Variants in HYCC1 observed in about 807,000 individuals in gnomAD.
HYCC1 encodes the protein hyccin PI4KA lipid kinase complex subunit 1.
the HYCC1 span, among the ~76,000 whole-genome samples, chr7:23,012,269 C>T: frequency 2.0e-5 from 3 of 152,004 alleles, no homozygotes; most frequent in Non-Finnish European, 4.4e-5. Context: ...TTAAACTCAC[C>T]GTCAAAGACA....
At chr7:22,927,642 T>C in the HYCC1 span, among the ~76,000 whole-genome samples, 39 of 152,190 alleles carry the variant, frequency 2.6e-4, no homozygotes, top group Non-Finnish European at 4.4e-4. Context: ...CAGGAAGAAG[T>C]TGAATTTCTG....
the HYCC1 span, among the ~76,000 whole-genome samples, chr7:22,919,638 A>C: frequency 1.3e-5 from 2 of 152,180 alleles, no homozygotes; most frequent in Non-Finnish European, 2.9e-5. Flanking sequence ...AAATACTGGA[A>C]TTGAAAAGTA....
the HYCC1 span, among the ~76,000 whole-genome samples, chr7:22,956,046 T>C: frequency 6.6e-6 from 1 of 151,774 alleles, no homozygotes; most frequent in Non-Finnish European, 1.5e-5. Context: ...GGAATTTTCA[T>C]TTTGACTTTT....
chr7:22,920,251 G>A, the HYCC1 span, among the ~76,000 whole-genome samples: 1 of 152,222 alleles, frequency 6.6e-6, no homozygotes, highest in Non-Finnish European at 1.5e-5. Flanking sequence ...AGAGGCTGAG[G>A]TGGAAGGATC....
At chr7:22,990,214 G>C in the HYCC1 span, among the ~76,000 whole-genome samples, 3 of 152,288 alleles carry the variant, frequency 2.0e-5, no homozygotes, top group Non-Finnish European at 4.4e-5. Flanking sequence ...GCTTTGTTTT[G>C]AGTCTACCAG....
chr7:22,907,046 A>G, the HYCC1 span, among the ~76,000 whole-genome samples: 1 of 139,988 alleles, frequency 7.1e-6, no homozygotes, highest in Non-Finnish European at 1.5e-5. Context: ...CAGAGGTTGC[A>G]GTAAGCCGAG....
the HYCC1 span, chr7:22,964,475 C>A: frequency 6.2e-7 from 1 of 1,611,322 alleles, no homozygotes; most frequent in Non-Finnish European, 8.5e-7. Flanking sequence ...TGGTATCCTG[C>A]TACTTATACC....
chr7:22,910,548 C>G, the HYCC1 span, among the ~76,000 whole-genome samples: 1 of 152,210 alleles, frequency 6.6e-6, no homozygotes, highest in African/African-American at 2.4e-5. Flanking sequence ...TATTATCTTT[C>G]TTAGCATAAA....
the HYCC1 span, chr7:22,941,300 C>T: frequency 7.8e-6 from 1 of 127,480 alleles, no homozygotes; most frequent in African/African-American, 2.9e-5. Context: ...AGAGGCAACA[C>T]TTGTTGTATA....
chr7:22,902,928 C>A, the HYCC1 span, among the ~76,000 whole-genome samples: 1 of 151,890 alleles, frequency 6.6e-6, no homozygotes, highest in African/African-American at 2.4e-5. Context: ...CTGCAGCAGC[C>A]AAGGAAGGTA....
the HYCC1 span, among the ~76,000 whole-genome samples, chr7:22,931,988 C>T: frequency 6.6e-6 from 1 of 152,128 alleles, no homozygotes; most frequent in Non-Finnish European, 1.5e-5. Context: ...AAGGAACCAG[C>T]ATTTGCTGCC....
the HYCC1 span, among the ~76,000 whole-genome samples, chr7:22,915,697 T>C: frequency 6.6e-6 from 1 of 152,198 alleles, no homozygotes; most frequent in Non-Finnish European, 1.5e-5. Context: ...GGCTACCTAC[T>C]CTGCATTACA....
the HYCC1 span, among the ~76,000 whole-genome samples, chr7:22,928,522 A>G: frequency 0.016 from 2,451 of 152,316 alleles, 69 homozygotes; most frequent in African/African-American, 0.056. Flanking sequence ...AAAAATCATA[A>G]GCATTCTTAT....
At chr7:22,955,635 GGAA>G in the HYCC1 span, among the ~76,000 whole-genome samples, 1 of 151,648 alleles carries the variant, frequency 6.6e-6, no homozygotes, top group Admixed American at 6.6e-5. Context: ...CTTAAAAAGT[GGAA>G]GAAGAATGAG....
the HYCC1 span, among the ~76,000 whole-genome samples, chr7:22,971,319 ATATTATTATCAGAT>A: frequency 6.7e-6 from 1 of 148,460 alleles, no homozygotes; most frequent in Non-Finnish European, 1.5e-5. Context: ...ATTACATATA[ATATTATTATCAGAT>A]TATTATTATC....
the HYCC1 span, chr7:22,961,252 A>T: frequency 3.7e-6 from 6 of 1,607,312 alleles, no homozygotes; most frequent in Admixed American, 1.7e-5. Flanking sequence ...GGCTCTGGAT[A>T]TAATTCTAGC....
chr7:22,939,601 T>A, the HYCC1 span: 2 of 152,256 alleles, frequency 1.3e-5, no homozygotes, highest in African/African-American at 4.8e-5. Flanking sequence ...ACTTTGATTT[T>A]ATCTTACCTT....
chr7:22,968,442 C>CA, the HYCC1 span, among the ~76,000 whole-genome samples: 1 of 152,180 alleles, frequency 6.6e-6, no homozygotes. Flanking sequence ...GAAACATAAG[C>CA]AATCTACCTC....
chr7:22,982,386 G>T, the HYCC1 span, among the ~76,000 whole-genome samples: 1 of 152,046 alleles, frequency 6.6e-6, no homozygotes, highest in Non-Finnish European at 1.5e-5. Context: ...TTCATGATAC[G>T]CATTATAGTA....
Sources: allele counts gnomAD v4.1 joint callset (sites outside exome capture counted in the v4.1 genomes callset), GRCh38; gene constraint gnomAD v4.1.1; transcripts MANE v1.5; gene names NCBI Gene and HGNC (gene_info 2026-07-23, HGNC 2026-07-21).